TXLNB: variants seen among roughly 807,000 people sequenced by gnomAD.
TXLNB encodes taxilin beta.
In TXLNB, 37 loss-of-function variants were observed where a neutral mutation model predicts 57.4. The ratio of observed to expected loss-of-function variants is 0.64; its 90% CI spans 0.50 to 0.85. The LOEUF (loss-of-function observed/expected upper bound fraction) is 0.85. TXLNB is among the 40% of genes least tolerant of loss of function. TXLNB has a pLI of 0.00. For synonymous variants in TXLNB, 302 were observed against 309.6 expected, an observed-to-expected ratio of 0.98 and a Z score of 0.26; for missense variants, 848 against 825.6, an observed-to-expected ratio of 1.03 and a Z score of -0.33.
At chr6:139,267,706 A>ATC (rs1776649597) in intron 4 of TXLNB, among the ~76,000 whole-genome samples, 1 of 152,232 alleles carries the variant, frequency 6.6e-6, no homozygotes, top group Non-Finnish European at 1.5e-5. Flanking sequence ...AAAAGAAGTA[A>ATC]GATCCAGCTA....
intron 3 of TXLNB, among the ~76,000 whole-genome samples, chr6:139,275,896 T>C (rs1206438315): frequency 6.6e-6 from 1 of 152,180 alleles, no homozygotes; most frequent in African/African-American, 2.4e-5. Flanking sequence ...AATCTACTGT[T>C]GGGGGCAGTT....
rs9484253 is a variant in TXLNB at position 139,252,162 on chromosome 6, G to A, written c.1077+3402C>T. On this transcript the variant is annotated intron_variant, in intron 7 of 9. Coordinates refer to ENST00000358430, the MANE Select transcript of TXLNB (RefSeq NM_153235.4). ...GAAGCCTGCCCCCAATTGGCCAGCA[G>A]TTGTCTTATGACTGAAAAGTGACTT... Among the ~76,000 whole-genome samples the A allele has an allele frequency of 6.0e-3, 921 of 152,338 alleles. 8 individuals are homozygous for A. The highest frequency in any genetic ancestry group is 0.021 in the African/African-American group (885 of 41,586).
At chr6:139,291,532 A>T (rs1777300309) in intron 1 of TXLNB, among the ~76,000 whole-genome samples, 1 of 152,200 alleles carries the variant, frequency 6.6e-6, no homozygotes, top group African/African-American at 2.4e-5. Context: ...AAAACAGAAC[A>T]GTCATTATAA....
At chr6:139,256,575 G>A (rs1013559057) in intron 6 of TXLNB, among the ~76,000 whole-genome samples, 2 of 152,214 alleles carry the variant, frequency 1.3e-5, no homozygotes, top group East Asian at 1.9e-4. Context: ...TGATCTGCCC[G>A]CCTCGGCCTC....
chr6:139,227,156 T>C, the TXLNB span, among the ~76,000 whole-genome samples: 1 of 152,004 alleles, frequency 6.6e-6, no homozygotes, highest in African/African-American at 2.4e-5. Context: ...CTGACCAACA[T>C]GGCAAAACCC....
At chr6:139,279,841 CA>C (rs1562286692) in intron 2 of TXLNB, among the ~76,000 whole-genome samples, 1 of 152,176 alleles carries the variant, frequency 6.6e-6, no homozygotes, top group Non-Finnish European at 1.5e-5. Flanking sequence ...ATGTAGCCAC[CA>C]CACTGCGAAA....
At chr6:139,311,270 G>A in the TXLNB span, among the ~76,000 whole-genome samples, 39 of 152,296 alleles carry the variant, frequency 2.6e-4, no homozygotes, top group African/African-American at 8.9e-4. Context: ...TCAAAAAGTG[G>A]CAAGCAAGTC....
chr6:139,320,802 C>G, the TXLNB span, among the ~76,000 whole-genome samples: 1 of 152,156 alleles, frequency 6.6e-6, no homozygotes, highest in African/African-American at 2.4e-5. Context: ...GAGTCTATAT[C>G]TCTCCCATGC....
chr6:139,172,702 C>T, the TXLNB span, among the ~76,000 whole-genome samples: 3 of 152,096 alleles, frequency 2.0e-5, no homozygotes, highest in South Asian at 4.1e-4. Flanking sequence ...AGTGAGTTTG[C>T]CTGTAGGTTA....
At chr6:139,216,375 C>CA in the TXLNB span, among the ~76,000 whole-genome samples, 5 of 147,682 alleles carry the variant, frequency 3.4e-5, no homozygotes, top group East Asian at 6.1e-4. Flanking sequence ...ATCGCAAGGA[C>CA]AAAAAAACCA....
rs1431815546 is a variant in TXLNB at position 139,291,922 on chromosome 6, A to C, written c.-16T>G. 6.6e-6 allele frequency: 1 copy of C among 152,442 alleles called. No homozygotes were observed. The highest frequency in any genetic ancestry group is 2.4e-5 in the African/African-American group (1 of 41,458). 9.4% of individuals were successfully genotyped at this position (152,442 alleles called of 1,614,324 possible). The stretch of plus-strand genomic sequence containing the variant: ...TGGGGGAGTGTTTGTCATACTTACC[A>C]GAAGGCAAGAAGCTAAGCAAGAAGA... On this transcript the variant is annotated splice_region_variant and 5_prime_UTR_variant, in exon 1 of 10. Transcript: ENST00000358430.
chr6:139,268,317 A>G (rs1165806310), intron 4 of TXLNB, among the ~76,000 whole-genome samples: 1 of 152,176 alleles, frequency 6.6e-6, no homozygotes, highest in Non-Finnish European at 1.5e-5. Flanking sequence ...ACAATTCCAC[A>G]ATTATATGAA....
chr6:139,272,535 A>T (rs1290331183), intron 3 of TXLNB, among the ~76,000 whole-genome samples: 3 of 152,200 alleles, frequency 2.0e-5, no homozygotes, highest in Non-Finnish European at 2.9e-5. Flanking sequence ...TTAGCATTGT[A>T]AAAACAAAAC....
At chr6:139,263,996 T>C (rs1776550633) in intron 4 of TXLNB, among the ~76,000 whole-genome samples, 1 of 152,228 alleles carries the variant, frequency 6.6e-6, no homozygotes, top group African/African-American at 2.4e-5. Context: ...GAAAATATTT[T>C]ATCATTAGGT....
rs532452258 is a variant in TXLNB at position 139,289,056 on chromosome 6, A to G, written c.-14-143T>C. On this transcript the variant is annotated intron_variant, in intron 1 of 9. Coordinates refer to ENST00000358430, the MANE Select transcript of TXLNB (RefSeq NM_153235.4). The stretch of plus-strand genomic sequence containing the variant: ...AGAGAAAGGCAATGTCCTTTCACAA[A>G]CCATTGATGTTACTAAGGGAGGAGA... 20 of 670,788 alleles carry G rather than the reference A, an allele frequency of 3.0e-5. No individual in the cohort carries two copies. In the East Asian group the frequency reaches 4.9e-4, roughly 17 times the overall value. The allele number at this position is 670,788 out of a possible 1,614,324, so 41.6% of individuals were successfully genotyped here.
intron 7 of TXLNB, among the ~76,000 whole-genome samples, chr6:139,248,406 G>C (rs1582992525): frequency 6.6e-6 from 1 of 151,740 alleles, no homozygotes; most frequent in South Asian, 2.1e-4. Flanking sequence ...TGAGGCAGGA[G>C]AATCGCTTGA....
chr6:139,235,860 A>G (rs1299575639), downstream of TXLNB, among the ~76,000 whole-genome samples: 2 of 152,226 alleles, frequency 1.3e-5, no homozygotes, highest in African/African-American at 4.8e-5. Context: ...AGAGGAACAC[A>G]TCAGCGGAAG....
At chr6:139,176,228 C>T in the TXLNB span, among the ~76,000 whole-genome samples, 13 of 152,216 alleles carry the variant, frequency 8.5e-5, no homozygotes, top group African/African-American at 3.1e-4. This position sits in a 1 kb window ranked among gnomAD's most constrained non-coding sequence, Gnocchi z 4.5. Context: ...TGGCATGGTG[C>T]TTTATCACAT....
chr6:139,255,815 G>A (rs535367169), intron 6 of TXLNB, among the ~76,000 whole-genome samples, 177 bp from the exon 7 acceptor site: 243 of 152,192 alleles, frequency 1.6e-3, no homozygotes, highest in Middle Eastern at 6.8e-3. Context: ...GGTGGCTCAT[G>A]CCTATAATCC....
Sources: allele counts gnomAD v4.1 joint callset (sites outside exome capture counted in the v4.1 genomes callset), GRCh38; gene constraint gnomAD v4.1.1; non-coding constraint Gnocchi (gnomAD v3.1); transcripts MANE v1.5; gene names NCBI Gene and HGNC (gene_info 2026-07-23, HGNC 2026-07-21).